The following NRP1 variants were observed in gnomAD, a reference collection of about 807,000 sequenced individuals.
NRP1 encodes the protein neuropilin 1, also known as neuropilin-1.
NRP1 carries 35 observed loss-of-function variants against 106.7 expected under a neutral mutation model. That is an observed-to-expected ratio of 0.33 (90% CI 0.25 to 0.43). The LOEUF (loss-of-function observed/expected upper bound fraction) is 0.43. Ranked by LOEUF, NRP1 falls within the 20% of genes least tolerant of loss-of-function variation. The pLI is 1.00. For synonymous variants in NRP1, 437 were observed against 417.9 expected (o/e 1.05, Z -0.56); for missense variants, 1,024 against 1,170.4 (o/e 0.87, Z 1.83).
intron 2 of NRP1, among the ~76,000 whole-genome samples, chr10:33,293,884 C>T (rs1321121061): frequency 1.3e-5 from 2 of 152,190 alleles, no homozygotes; most frequent in Non-Finnish European, 2.9e-5. Context: ...TTCACTCATC[C>T]ATACTCAACG....
At chr10:33,330,303 A>G (rs1231649328) in intron 2 of NRP1, among the ~76,000 whole-genome samples, 1 of 151,952 alleles carries the variant, frequency 6.6e-6, no homozygotes, top group African/African-American at 2.4e-5. Context: ...CTCCAATCAC[A>G]CTATCTGTGG....
chr10:33,181,509 C>T (rs1260987687), intron 16 of NRP1, among the ~76,000 whole-genome samples: 1 of 152,178 alleles, frequency 6.6e-6, no homozygotes, highest in Admixed American at 6.5e-5. Context: ...GATAAGGGTG[C>T]AGCACCATCC....
At chr10:33,226,393 A>G in intron 6 of NRP1, 104 bp from the exon 7 acceptor site, 1 of 1,245,346 alleles carries the variant, frequency 8.0e-7, no homozygotes, top group Admixed American at 2.0e-5. Context: ...TCCACCTGGG[A>G]TCAACAGGGC....
chr10:33,324,443 GCACAT>G (rs1847744145), intron 2 of NRP1, among the ~76,000 whole-genome samples: 1 of 152,174 alleles, frequency 6.6e-6, no homozygotes, highest in South Asian at 2.1e-4. Flanking sequence ...GAATTTGCTT[GCACAT>G]AAAATCTGCA....
chr10:33,238,773 A>G (rs908380779), intron 6 of NRP1, among the ~76,000 whole-genome samples: 5 of 152,280 alleles, frequency 3.3e-5, no homozygotes, highest in Admixed American at 2.0e-4. Flanking sequence ...AGAAATGCCA[A>G]TGCTTACCTC....
intron 2 of NRP1, among the ~76,000 whole-genome samples, chr10:33,324,878 G>C (rs1318557458): frequency 1.3e-5 from 2 of 152,184 alleles, no homozygotes; most frequent in African/African-American, 4.8e-5. Context: ...CTGACTTCAA[G>C]TGATGCCTGC....
chr10:33,270,368 C>T (rs1022364515), intron 3 of NRP1, among the ~76,000 whole-genome samples: 1 of 149,226 alleles, frequency 6.7e-6, no homozygotes, highest in Non-Finnish European at 1.5e-5. Flanking sequence ...GCTCTGTTGC[C>T]CAGGCCAGAG....
chr10:33,209,723 C>T (rs556852101), intron 9 of NRP1, among the ~76,000 whole-genome samples: 97 of 152,156 alleles, frequency 6.4e-4, no homozygotes, highest in African/African-American at 2.0e-3. Context: ...GTGATATGCC[C>T]GCCTTGGCCT....
rs757219855 is a variant in NRP1, at chr10:33,238,983, GGAGA to G, written c.982-12698_982-12695del. The stretch of plus-strand genomic sequence containing the variant: ...GTACCTAGATTATAATTCCTTTGAA[GGAGA>G]GAGAGAGTCTCCTTCACTTTAGGCC... On this transcript the variant is annotated intron_variant, in intron 6 of 16. Coordinates refer to ENST00000374867, the MANE Select transcript of NRP1 (RefSeq NM_003873.7). Among the ~76,000 whole-genome samples, 111 of 151,634 alleles carry G rather than the reference GGAGA, an allele frequency of 7.3e-4. 1 individual carries two copies. The highest frequency in any genetic ancestry group is 6.8e-3 in the Middle Eastern group (2 of 294).
chr10:33,251,194 G>C (rs190983521), intron 6 of NRP1, among the ~76,000 whole-genome samples: 1 of 152,224 alleles, frequency 6.6e-6, no homozygotes, highest in East Asian at 1.9e-4. Flanking sequence ...TGGTTTGGAA[G>C]TTCCTCCTTC....
intron 2 of NRP1, among the ~76,000 whole-genome samples, chr10:33,296,597 G>A (rs899629226): frequency 1.3e-5 from 2 of 152,156 alleles, no homozygotes; most frequent in African/African-American, 4.8e-5. Flanking sequence ...AAGCTTCAGA[G>A]GGGATGGGAA....
intron 2 of NRP1, among the ~76,000 whole-genome samples, chr10:33,285,360 T>C (rs1203618233): frequency 6.6e-6 from 1 of 152,194 alleles, no homozygotes; most frequent in Non-Finnish European, 1.5e-5. Flanking sequence ...GAACACTCAA[T>C]GGAGTGGAAC....
chr10:33,324,915 G>A (rs1422843913), intron 2 of NRP1, among the ~76,000 whole-genome samples: 1 of 152,204 alleles, frequency 6.6e-6, no homozygotes, highest in African/African-American at 2.4e-5. Flanking sequence ...TTGCGAGTGA[G>A]CCACCGTGCC....
intron 3 of NRP1, among the ~76,000 whole-genome samples, chr10:33,270,129 G>A (rs1843198857): frequency 6.6e-6 from 1 of 151,554 alleles, no homozygotes; most frequent in Admixed American, 6.6e-5. Flanking sequence ...CACTTCAGAT[G>A]GGTACAATTT....
intron 3 of NRP1, among the ~76,000 whole-genome samples, chr10:33,269,346 G>A (rs1282406713): frequency 1.3e-5 from 2 of 152,122 alleles, no homozygotes; most frequent in Admixed American, 1.3e-4. Flanking sequence ...AGACTGGAGT[G>A]CAGCGGCACG....
At chr10:33,292,062 C>T (rs1335832765) in intron 2 of NRP1, among the ~76,000 whole-genome samples, 1 of 152,124 alleles carries the variant, frequency 6.6e-6, no homozygotes, top group Non-Finnish European at 1.5e-5. Flanking sequence ...TGCCATCACA[C>T]GTGGCTAATA....
intron 6 of NRP1, among the ~76,000 whole-genome samples, chr10:33,253,564 C>T (rs1208888233): frequency 6.6e-6 from 1 of 152,144 alleles, no homozygotes; most frequent in Non-Finnish European, 1.5e-5. Flanking sequence ...CTTCTCCTAC[C>T]CTGAACAAAC....
Position 33,182,708 on chromosome 10 carries a change from A to T in NRP1, c.2472T>A (p.Ile824=). ...DLDKKNPEIK[I]DETGSTPGYE... ...GCAAGACAAATTTACCTGTTTCATC[A>T]ATTTTAATTTCTGGGTTCTTTTTAT... The change falls in exon 16 of 17, where the codon ATT becomes ATA. Residue 824 remains isoleucine, a synonymous_variant. Transcript: ENST00000374867. 1.9e-6 allele frequency: 3 copies of T among 1,612,554 alleles called. No homozygotes were observed. The highest frequency in any genetic ancestry group is 3.3e-4 in the Middle Eastern group (2 of 5,974).
chr10:33,214,052 G>GAA (rs1838550189), intron 8 of NRP1, among the ~76,000 whole-genome samples: 1 of 152,186 alleles, frequency 6.6e-6, no homozygotes, highest in Non-Finnish European at 1.5e-5. Context: ...CTGCTTAAGA[G>GAA]AAGTTCATAG....
Sources: allele counts gnomAD v4.1 joint callset (sites outside exome capture counted in the v4.1 genomes callset), GRCh38; gene constraint gnomAD v4.1.1; transcripts MANE v1.5; gene names NCBI Gene and HGNC (gene_info 2026-07-23, HGNC 2026-07-21).